The following TRAF3 variants were observed in gnomAD, a reference collection of about 807,000 sequenced individuals.
TRAF3 encodes TNF receptor associated factor 3.
In TRAF3, 13 loss-of-function variants were observed where a neutral mutation model predicts 62.3. That is an observed-to-expected ratio of 0.21 (90% CI 0.14 to 0.33). TRAF3 has a LOEUF of 0.33. TRAF3 is among the 10% of genes least tolerant of loss of function. TRAF3 has a pLI of 1.00. For missense variants in TRAF3, 440 were observed against 741.8 expected, an observed-to-expected ratio of 0.59 and a Z score of 4.73; for synonymous variants, 269 against 283.4, an observed-to-expected ratio of 0.95 and a Z score of 0.51.
intron 1 of TRAF3, among the ~76,000 whole-genome samples, chr14:102,802,492 T>A (rs1376888169): frequency 6.7e-6 from 1 of 148,622 alleles, no homozygotes; most frequent in Non-Finnish European, 1.5e-5. Context: ...GCAGAAGTTG[T>A]GTTAGAAGGT....
At chr14:102,881,395 C>CAAAAAAA (rs57546209) in intron 6 of TRAF3, among the ~76,000 whole-genome samples, 6 of 117,430 alleles carry the variant, frequency 5.1e-5, no homozygotes, top group East Asian at 2.4e-4. Context: ...ACAACAAAAA[C>CAAAAAAA]AAAAAAAAAA....
At chr14:102,850,633 T>G (rs1886977044) in intron 2 of TRAF3, among the ~76,000 whole-genome samples, 1 of 142,248 alleles carries the variant, frequency 7.0e-6, no homozygotes, top group Admixed American at 7.3e-5. Context: ...GGCGTAGGAT[T>G]GAACCAAGAT....
chr14:102,878,532 T>A (rs566927606), intron 6 of TRAF3, among the ~76,000 whole-genome samples: 2 of 152,272 alleles, frequency 1.3e-5, no homozygotes, highest in African/African-American at 4.8e-5. Context: ...ATTGGGTACC[T>A]ACTGTGCGCC....
At chr14:102,818,401 G>A (rs1448889111) in intron 1 of TRAF3, among the ~76,000 whole-genome samples, 4 of 152,082 alleles carry the variant, frequency 2.6e-5, no homozygotes, top group African/African-American at 9.7e-5. Flanking sequence ...ATTCACCCAC[G>A]GAAGTTACTT....
intron 9 of TRAF3, among the ~76,000 whole-genome samples, chr14:102,894,455 G>A (rs900765033): frequency 6.6e-6 from 1 of 152,306 alleles, no homozygotes; most frequent in African/African-American, 2.4e-5. Context: ...CACCAAAGTG[G>A]GCTGGAGTAA....
intron 2 of TRAF3, among the ~76,000 whole-genome samples, chr14:102,840,329 C>T (rs1886303383): frequency 6.6e-6 from 1 of 152,136 alleles, no homozygotes; most frequent in African/African-American, 2.4e-5. Flanking sequence ...TGGGTGGGCT[C>T]AAGTGATCCT....
chr14:102,886,688 GGAGGTTGAACAGAGCCGA>G (rs1220506917), intron 7 of TRAF3, among the ~76,000 whole-genome samples: 1 of 150,870 alleles, frequency 6.6e-6, no homozygotes, highest in African/African-American at 2.4e-5. Context: ...CCGGGGAGGC[GGAGGTTGAACAGAGCCGA>G]GATCACACCA....
At chr14:102,874,120 C>T (rs1028889141) in intron 4 of TRAF3, among the ~76,000 whole-genome samples, 5 of 152,200 alleles carry the variant, frequency 3.3e-5, no homozygotes, top group Admixed American at 2.6e-4. Context: ...AAAAAGTTAC[C>T]TGGGCTTGGA....
chr14:102,813,605 C>T (rs1340027255), intron 1 of TRAF3, among the ~76,000 whole-genome samples: 1 of 151,956 alleles, frequency 6.6e-6, no homozygotes, highest in East Asian at 1.9e-4. Flanking sequence ...CGCACACCAC[C>T]ACGACCTGCT....
intron 2 of TRAF3, among the ~76,000 whole-genome samples, chr14:102,831,370 A>G (rs1308351492): frequency 1.3e-5 from 2 of 152,206 alleles, no homozygotes; most frequent in African/African-American, 4.8e-5. Context: ...TTTCTGAGTA[A>G]CTTCCACCAC....
intron 1 of TRAF3, among the ~76,000 whole-genome samples, chr14:102,804,864 A>AAT (rs1898674053): frequency 1.3e-5 from 2 of 152,106 alleles, no homozygotes; most frequent in South Asian, 4.1e-4. Flanking sequence ...TATGATATGT[A>AAT]ATATATATGT....
chr14:102,855,085 G>A (rs769398458), intron 2 of TRAF3, among the ~76,000 whole-genome samples: 13 of 152,252 alleles, frequency 8.5e-5, no homozygotes, highest in East Asian at 1.9e-4. Context: ...AGATGAAATC[G>A]TAGTGTGTGC....
At chr14:102,818,572 T>C (rs1181998901) in intron 1 of TRAF3, among the ~76,000 whole-genome samples, 3 of 152,196 alleles carry the variant, frequency 2.0e-5, no homozygotes, top group Non-Finnish European at 4.4e-5. Flanking sequence ...AAATCCTAAC[T>C]CTCTAACTGA....
At chr14:102,818,288 T>C (rs1425627889) in intron 1 of TRAF3, among the ~76,000 whole-genome samples, 2 of 152,216 alleles carry the variant, frequency 1.3e-5, no homozygotes, top group Non-Finnish European at 2.9e-5. Flanking sequence ...TCTTTCCCAT[T>C]GATCACATAG....
chr14:102,779,786 A>C (rs1365864860), intron 1 of TRAF3, among the ~76,000 whole-genome samples: 2 of 152,274 alleles, frequency 1.3e-5, no homozygotes, highest in African/African-American at 2.4e-5. Context: ...AAATTGCGTT[A>C]AATTTGCCCA....
chr14:102,789,507 T>G (rs1349132989), intron 1 of TRAF3, among the ~76,000 whole-genome samples: 2 of 152,186 alleles, frequency 1.3e-5, no homozygotes, highest in African/African-American at 4.8e-5. Flanking sequence ...ATGGGTAATG[T>G]GCCGACGTCA....
chr14:102,852,762 G>A (rs568164605), intron 2 of TRAF3, among the ~76,000 whole-genome samples: 6 of 151,324 alleles, frequency 4.0e-5, no homozygotes, highest in African/African-American at 7.3e-5. Flanking sequence ...GTGCAGTGGC[G>A]TGATCGTAGT....
At chr14:102,854,771 G>A (rs947280836) in intron 2 of TRAF3, among the ~76,000 whole-genome samples, 3 of 150,100 alleles carry the variant, frequency 2.0e-5, no homozygotes, top group African/African-American at 7.3e-5. Flanking sequence ...AAAGTGCTGG[G>A]ATTATAGGTG....
At chr14:102,880,945 C>A (rs927922754) in intron 6 of TRAF3, among the ~76,000 whole-genome samples, 10 of 152,050 alleles carry the variant, frequency 6.6e-5, no homozygotes, top group African/African-American at 2.2e-4. Context: ...GGTGTGGTGG[C>A]AGGTGCCTGT....
Sources: gnomAD v4.1 joint callset for allele counts (sites outside exome capture counted in the v4.1 genomes callset) on GRCh38, gnomAD v4.1.1 for gene constraint, MANE v1.5 for transcripts, NCBI Gene and HGNC (gene_info 2026-07-23, HGNC 2026-07-21) for gene names.